RPL13: variants seen among roughly 807,000 people sequenced by gnomAD.
RPL13 encodes large ribosomal subunit protein eL13.
Under a neutral mutation model 21.4 loss-of-function variants are expected in RPL13, and 1 was observed. That is an observed-to-expected ratio of 0.05 (90% CI 0.02 to 0.22). RPL13 has a LOEUF of 0.22. Ranked by LOEUF, RPL13 falls within the 10% of genes least tolerant of loss-of-function variation. The probability of loss-of-function intolerance (pLI) is 1.00; values close to 1 mark genes in which losing one functional copy is unlikely to be tolerated. For missense variants in RPL13, 289 were observed against 303.0 expected (o/e 0.95, Z 0.34); for synonymous variants, 143 against 120.5 (o/e 1.19, Z -1.23).
rs983473236 is a variant in RPL13 at position 89,564,492 on chromosome 16, G to A, written c.*1450G>A. 1 of 152,188 alleles carries A rather than the reference G, an allele frequency of 6.6e-6. No homozygotes were observed. The highest frequency in any genetic ancestry group is 6.5e-5 in the Admixed American group (1 of 15,274). 9.4% of individuals were successfully genotyped at this position (152,188 alleles called of 1,614,324 possible). On this transcript the variant is annotated 3_prime_UTR_variant, in exon 6 of 6. Coordinates refer to ENST00000311528, the MANE Select transcript of RPL13 (RefSeq NM_000977.4). ...GGAGGCCGAGGCGGGTGGATCACCTGATGGTGAAACCTCATCTCTACTGAA... is the reference window on the plus strand; with the variant it reads ...GGAGGCCGAGGCGGGTGGATCACCTAATGGTGAAACCTCATCTCTACTGAA...
Position 89,561,349 on chromosome 16 carries a change from T to G in RPL13, c.227T>G (p.Phe76Cys), listed in dbSNP as rs773626619. The G allele has an allele frequency of 1.2e-6, 2 of 1,605,512 alleles. No individual in the cohort carries two copies. Among genetic ancestry groups the G allele is most frequent in the South Asian group, 2.2e-5 (2 of 90,804 alleles). Reference sequence around the variant, plus strand: ...ACGAAGGTGCGCGCCGGCCGCGGCTTCAGCCTGGAGGAGCTCAGGGTGAGT... The same window carrying G: ...ACGAAGGTGCGCGCCGGCCGCGGCTGCAGCCTGGAGGAGCTCAGGGTGAGT... ...YHTKVRAGRG[F>C]SLEELRVAGI... Residue 76 changes from phenylalanine to cysteine, a missense_variant, in exon 3 of 6, where the codon TTC (phenylalanine) becomes TGC (cysteine). Transcript: ENST00000311528.
intron 4 of RPL13, 59 bp from the exon 5 acceptor site, chr16:89,562,276 G>C (rs2058750762): frequency 1.9e-6 from 3 of 1,547,488 alleles, no homozygotes; most frequent in Non-Finnish European, 2.7e-6. Context: ...GGCCAGGTGA[G>C]GGTGGAGTCC....
chr16:89,562,714 T>C (rs1215178089), intron 5 of RPL13, 170 bp from the exon 6 acceptor site: 1 of 684,614 alleles, frequency 1.5e-6, no homozygotes, highest in Non-Finnish European at 2.3e-6. Context: ...GTTTTTCTTT[T>C]TTTTTTTAAA....
rs1363167165 is a variant in RPL13, at chr16:89,563,816, A to C, written c.*774A>C. The C allele has an allele frequency of 6.6e-6, 1 of 152,200 alleles. No individual in the cohort carries two copies. Among genetic ancestry groups the C allele is most frequent in the Non-Finnish European group, 1.5e-5 (1 of 68,040 alleles). 9.4% of individuals were successfully genotyped at this position (152,200 alleles called of 1,614,324 possible). A position where few individuals can be genotyped will look rare whatever the true frequency, so the allele number is the denominator to read the frequency against. ...ATTCTTAAGCTTGTTGTGCCCGGTA[A>C]CCATGGTCCTCTTGCTCTGATTAAC... is the stretch of plus-strand genomic sequence containing the variant. On this transcript the variant is annotated 3_prime_UTR_variant, in exon 6 of 6. Transcript: ENST00000311528.
chr16:89,560,766 C>A, intron 1 of RPL13, 54 bp downstream of exon 1: 2 of 529,748 alleles, frequency 3.8e-6, no homozygotes. Context: ...ATCGGCCTGG[C>A]GCTTCAGCCA....
At chr16:89,562,125 G>A (rs1353339274) in intron 4 of RPL13, 5 of 614,168 alleles carry the variant, frequency 8.1e-6, no homozygotes, top group Non-Finnish European at 1.4e-5. Flanking sequence ...GTAGATAACT[G>A]TCTCGTGCGT....
At chr16:89,562,819 T>C in intron 5 of RPL13, 65 bp from the exon 6 acceptor site, 1 of 1,458,600 alleles carries the variant, frequency 6.9e-7, no homozygotes, top group East Asian at 2.6e-5. Flanking sequence ...CAGGTTCTCC[T>C]GACGCTTGGT....
chr16:89,566,187 C>G (rs540747913), downstream of RPL13: 1 of 111,772 alleles, frequency 8.9e-6, no homozygotes, highest in Non-Finnish European at 2.1e-5. Flanking sequence ...GGGCCAGGCG[C>G]GCTCCGGCGC....
intron 3 of RPL13, 63 bp downstream of exon 3, chr16:89,561,431 G>A: frequency 1.2e-6 from 2 of 1,612,582 alleles, no homozygotes; most frequent in Middle Eastern, 1.6e-4. Context: ...GGCCTCAGTC[G>A]CGTGATGACA....
At position 89,563,435 on chromosome 16, in the gene RPL13, G is replaced by C. The variant is rs962353289; in HGVS notation, c.*393G>C. On this transcript the variant is annotated 3_prime_UTR_variant, in exon 6 of 6. Transcript: ENST00000311528. ...AGAACTACTAAAAATAAAGAAATCA[G>C]CCATGCTTGGTGCTGCACACTTGTA... 6.5e-6 allele frequency: 1 copy of C among 153,830 alleles called. No individual in the cohort carries two copies. The highest frequency in any genetic ancestry group is 6.5e-5 in the Admixed American group (1 of 15,322). The allele number at this position is 153,830 out of a possible 1,614,324, so 9.5% of individuals were successfully genotyped here. A position where few individuals can be genotyped will look rare whatever the true frequency, so the allele number is the denominator to read the frequency against.
Position 89,561,333 on chromosome 16 carries a change from C to G in RPL13, c.211C>G (p.Arg71Gly). 1 of 1,597,950 alleles carries G rather than the reference C, an allele frequency of 6.3e-7. No individual in the cohort carries two copies. The highest frequency in any genetic ancestry group is 8.5e-7 in the Non-Finnish European group (1 of 1,176,554). Residue 71 changes from arginine (R) to glycine (G), a missense_variant, in exon 3 of 6, where the codon CGC becomes GGC. Coordinates refer to ENST00000311528, the MANE Select transcript of RPL13 (RefSeq NM_000977.4). ...CPTVRYHTKV[R>G]AGRGFSLEEL... ...CACGGTTCGGTACCACACGAAGGTG[C>G]GCGCCGGCCGCGGCTTCAGCCTGGA...
rs950422724 is a variant in RPL13, at chr16:89,560,902, G to T, written c.-20-38G>T. 6.1e-6 allele frequency: 9 copies of T among 1,487,306 alleles called. No individual in the cohort carries two copies. In the Admixed American group the frequency reaches 1.4e-4, roughly 23 times the overall value. 92.1% of individuals were successfully genotyped at this position (1,487,306 alleles called of 1,614,324 possible). On this transcript the variant is annotated intron_variant, in intron 1 of 5. Transcript: ENST00000311528. Reference sequence around the variant, plus strand: ...GAGGCCCGGGGGGGTGCGCGCGCCCGGGGTCCGGCCTCTCACTCGCTCCCC... The same window carrying T: ...GAGGCCCGGGGGGGTGCGCGCGCCCTGGGTCCGGCCTCTCACTCGCTCCCC...
chr16:89,566,644 A>G (rs986567748), downstream of RPL13: 14 of 151,594 alleles, frequency 9.2e-5, no homozygotes, highest in African/African-American at 3.4e-4. Flanking sequence ...AGCCTGCATG[A>G]CAGAGCGAGA....
downstream of RPL13, chr16:89,566,651 G>A (rs919601074): frequency 6.6e-6 from 1 of 151,108 alleles, no homozygotes; most frequent in Non-Finnish European, 1.5e-5. Context: ...ATGACAGAGC[G>A]AGACCCTATC....
chr16:89,562,044 G>C, intron 4 of RPL13: 1 of 589,058 alleles, frequency 1.7e-6, no homozygotes, highest in South Asian at 2.2e-5. Flanking sequence ...GGTTGATAAA[G>C]AGTCCATTGT....
rs1289564420 is a variant in RPL13 at position 89,563,189 on chromosome 16, A to G, written c.*147A>G. The G allele has an allele frequency of 5.5e-6, 4 of 722,612 alleles. No individual in the cohort carries two copies. Among genetic ancestry groups the G allele is most frequent in the Non-Finnish European group, 8.2e-6 (4 of 486,120 alleles). The allele number at this position is 722,612 out of a possible 1,614,324, so 44.8% of individuals were successfully genotyped here. A position where few individuals can be genotyped will look rare whatever the true frequency, so the allele number is the denominator to read the frequency against. On this transcript the variant is annotated 3_prime_UTR_variant, in exon 6 of 6. Coordinates refer to ENST00000311528, the MANE Select transcript of RPL13 (RefSeq NM_000977.4). The stretch of plus-strand genomic sequence containing the variant: ...TTGGGGCTTTCTTGAAAGACAGTCC[A>G]AGCCCTGGATAATGCTTTACTTTCT...
intron 2 of RPL13, 54 bp from the exon 3 acceptor site, chr16:89,561,173 G>C: frequency 6.6e-7 from 1 of 1,513,832 alleles, no homozygotes; most frequent in African/African-American, 1.4e-5. Flanking sequence ...GTCGCGGAGC[G>C]CTGGCCTGGC....
chr16:89,565,625 C>CCGAGTGTGGCT (rs566295000), downstream of RPL13: 4 of 152,544 alleles, frequency 2.6e-5, no homozygotes, highest in African/African-American at 9.7e-5. Flanking sequence ...GAGTGTGGGC[C>CCGAGTGTGGCT]GTGCCCGAGT....
chr16:89,561,088 C>T (rs1483166644), intron 2 of RPL13, 25 bp downstream of exon 2: 3 of 1,585,002 alleles, frequency 1.9e-6, no homozygotes, highest in South Asian at 1.1e-5. Context: ...CGGGGCTGCC[C>T]CTGGGGCTCG....
Sources: gnomAD v4.1 joint callset for allele counts on GRCh38, gnomAD v4.1.1 for gene constraint, MANE v1.5 for transcripts, NCBI Gene and HGNC (gene_info 2026-07-23, HGNC 2026-07-21) for gene names.